Variants in SDK2 observed in about 807,000 individuals in gnomAD.
SDK2 encodes the protein sidekick cell adhesion molecule 2, also known as protein sidekick-2.
A neutral mutation model predicts 253.9 loss-of-function variants in SDK2; 105 were observed. That is an observed-to-expected ratio of 0.41 (90% CI 0.35 to 0.49). The LOEUF is 0.49. Ranked by LOEUF, SDK2 falls within the 20% of genes least tolerant of loss-of-function variation. The probability of loss-of-function intolerance (pLI) is 0.06; values close to 1 mark genes in which losing one functional copy is unlikely to be tolerated. For missense variants in SDK2, 2,608 were observed against 3,003.0 expected, an observed-to-expected ratio of 0.87 and a Z score of 3.07; for synonymous variants, 1,249 against 1,234.9, an observed-to-expected ratio of 1.01 and a Z score of -0.24.
In SDK2 at chr17:73,644,039, G is replaced by A; in HGVS notation, c.50C>T (p.Ala17Val). ...WTLLALHQIR[A>V]ARAQDDVSPY... ...TCCCTCCTTACCTTGGGCTCTGGCCGCGCGGATCTGATGCAGAGCTAGCAG... is the reference window on the plus strand; with the variant it reads ...TCCCTCCTTACCTTGGGCTCTGGCCACGCGGATCTGATGCAGAGCTAGCAG... The change falls in exon 1 of 45, where the codon GCG (alanine) becomes GTG (valine). Residue 17 changes from alanine to valine, a missense_variant. Around this residue, in one of 2 missense-constraint regions of SDK2, gnomAD observed 1,505 missense variants for 1,859.1 expected, o/e 0.81. Coordinates refer to ENST00000392650, the MANE Select transcript of SDK2 (RefSeq NM_001144952.2). The surrounding 1 kb of genome is among the most constrained non-coding windows in gnomAD (Gnocchi z 6.3). The A allele has an allele frequency of 6.8e-7, 1 of 1,480,072 alleles. No homozygotes were observed. Among genetic ancestry groups the A allele is most frequent in the Non-Finnish European group, 9.1e-7 (1 of 1,102,428 alleles). 91.7% of individuals were successfully genotyped at this position (1,480,072 alleles called of 1,614,324 possible).
intron 25 of SDK2, 60 bp from the exon 26 acceptor site, chr17:73,394,384 A>G (rs1716483247): frequency 8.5e-7 from 1 of 1,179,934 alleles, no homozygotes; most frequent in Admixed American, 2.6e-5. Context: ...TGTGCAAGGG[A>G]AGTGGACCAG....
intron 12 of SDK2, 141 bp from the exon 13 acceptor site, chr17:73,424,233 A>G: frequency 1.5e-6 from 1 of 681,540 alleles, no homozygotes; most frequent in Non-Finnish European, 2.5e-6. Flanking sequence ...GGACACTGGG[A>G]TCGGGGAGCG....
chr17:73,626,956 G>A (rs2046210214), intron 1 of SDK2, among the ~76,000 whole-genome samples: 2 of 152,190 alleles, frequency 1.3e-5, no homozygotes, highest in South Asian at 4.1e-4. Context: ...GGCCTGCGCA[G>A]GGGGCCCAAT....
At chr17:73,537,448 T>A (rs764917932) in intron 1 of SDK2, among the ~76,000 whole-genome samples, 1 of 152,140 alleles carries the variant, frequency 6.6e-6, no homozygotes, top group Non-Finnish European at 1.5e-5. Flanking sequence ...CATGCTTTTA[T>A]CTCCCAAAGT....
intron 31 of SDK2, 69 bp from the exon 32 acceptor site, chr17:73,385,986 C>T (rs2062869005): frequency 1.7e-6 from 2 of 1,172,472 alleles, no homozygotes; most frequent in African/African-American, 1.5e-5. Flanking sequence ...CCCACTGAGA[C>T]CAGATTCTGC....
In SDK2 at chr17:73,469,992, G is replaced by GCACACACACA. The variant is rs34448667; in HGVS notation, c.331+2110_331+2119dup. On this transcript the variant is annotated intron_variant, in intron 3 of 44. Transcript: ENST00000392650. ...ATGGCATTTGCGACTGCGCGCGCGC[G>GCACACACACA]CACACACACACACACACACACACAC... 3.3e-3 allele frequency among the ~76,000 whole-genome samples: 412 copies of GCACACACACA among 126,252 alleles called. 4 individuals are homozygous for GCACACACACA. The highest frequency in any genetic ancestry group is 8.8e-3 in the Middle Eastern group (2 of 226). 82.8% of individuals were successfully genotyped at this position (126,252 alleles called of 152,430 possible). A position where few individuals can be genotyped will look rare whatever the true frequency, so the allele number is the denominator to read the frequency against.
At chr17:73,404,190 C>T (rs7405603) in intron 18 of SDK2, among the ~76,000 whole-genome samples, 103,899 of 152,078 alleles carry the variant, frequency 0.68, 38,079 homozygotes, top group Non-Finnish European at 0.82. Flanking sequence ...TACAGCTTGA[C>T]GCCTGGATCC....
In SDK2 at chr17:73,465,111, C is replaced by T. The variant is rs1599591767; in HGVS notation, c.331+7001G>A. On this transcript the variant is annotated intron_variant, in intron 3 of 44. Coordinates refer to ENST00000392650, the MANE Select transcript of SDK2 (RefSeq NM_001144952.2). The surrounding 1 kb of genome is among the most constrained non-coding windows in gnomAD (Gnocchi z 4.2). ...TGTCACTTGGCCCCTAAGCATCCTGCATTCAATACCCACACCTCAGGCTGA... is the reference window on the plus strand; with the variant it reads ...TGTCACTTGGCCCCTAAGCATCCTGTATTCAATACCCACACCTCAGGCTGA... Among the ~76,000 whole-genome samples the T allele has an allele frequency of 6.6e-6, 1 of 152,306 alleles. No homozygotes were observed. The highest frequency in any genetic ancestry group is 2.4e-5 in the African/African-American group (1 of 41,574).
At chr17:73,342,768 G>A (rs2145373308) in intron 44 of SDK2, among the ~76,000 whole-genome samples, 1 of 152,300 alleles carries the variant, frequency 6.6e-6, no homozygotes, top group African/African-American at 2.4e-5. Context: ...AGCAGAGGAA[G>A]CCATCACTCA....
At chr17:73,636,680 CAAAAAAAAAAAA>C (rs561026344) in intron 1 of SDK2, among the ~76,000 whole-genome samples, 7 of 50,988 alleles carry the variant, frequency 1.4e-4, no homozygotes, top group Non-Finnish European at 2.2e-4. Flanking sequence ...GACTCTGTCT[CAAAAAAAAAAAA>C]AAAAAAAAAA....
At chr17:73,363,692 C>T (rs1463438656) in intron 38 of SDK2, among the ~76,000 whole-genome samples, 1 of 152,040 alleles carries the variant, frequency 6.6e-6, no homozygotes, top group Non-Finnish European at 1.5e-5. Flanking sequence ...TGGAGTTGAG[C>T]CACACAGTCC....
In SDK2 at chr17:73,616,020, T is replaced by C. The variant is rs1234168505; in HGVS notation, c.64+28005A>G. On this transcript the variant is annotated intron_variant, in intron 1 of 44. Coordinates refer to ENST00000392650, the MANE Select transcript of SDK2 (RefSeq NM_001144952.2). This position sits in a 1 kb window ranked among gnomAD's most constrained non-coding sequence, Gnocchi z 5.2. ...ACACACGCATGCATGTAGACACATA[T>C]GCATATACACATGAACACACATACA... is the stretch of plus-strand genomic sequence containing the variant. 1.3e-5 allele frequency among the ~76,000 whole-genome samples: 2 copies of C among 152,084 alleles called. No homozygotes were observed. Among genetic ancestry groups the C allele is most frequent in the African/African-American group, 4.8e-5 (2 of 41,406 alleles).
In SDK2 at chr17:73,602,661, T is replaced by A. The variant is rs140961551; in HGVS notation, c.64+41364A>T. 1.1e-3 allele frequency among the ~76,000 whole-genome samples: 173 copies of A among 152,130 alleles called. 2 individuals are homozygous for A. The highest frequency in any genetic ancestry group is 0.01 in the Middle Eastern group (3 of 294). ...CCACACAAGGAAATCTATGTTCGGGTCTGGGCACTGTCCTTAAGTGAGAAT... is the reference window on the plus strand; with the variant it reads ...CCACACAAGGAAATCTATGTTCGGGACTGGGCACTGTCCTTAAGTGAGAAT... On this transcript the variant is annotated intron_variant, in intron 1 of 44. Transcript: ENST00000392650.
intron 2 of SDK2, among the ~76,000 whole-genome samples, chr17:73,480,720 C>T (rs1250071450): frequency 1.3e-5 from 2 of 151,870 alleles, no homozygotes; most frequent in East Asian, 1.9e-4. Context: ...GAGAGAGACA[C>T]ACACAGAGAA....
intron 44 of SDK2, among the ~76,000 whole-genome samples, chr17:73,340,222 C>T (rs2062423089): frequency 1.3e-5 from 2 of 152,196 alleles, no homozygotes; most frequent in Admixed American, 1.3e-4. Flanking sequence ...GTGAACCATT[C>T]TAAAGTCTAT....
chr17:73,350,271 T>C lies in SDK2; in HGVS notation c.6004A>G (p.Asn2002Asp). The C allele has an allele frequency of 1.2e-6, 2 of 1,607,866 alleles. No individual in the cohort carries two copies. The highest frequency in any genetic ancestry group is 1.7e-6 in the Non-Finnish European group (2 of 1,177,170). ...AGGCCGTTCTTTCGGCAGAAAGAGT[T>C]CTTGACGGAGAGCCGCCTGTTGTTG... ...ELNNRRLSVK[N>D]SFCRKNGLYT... The change falls in exon 43 of 45, where the codon AAC becomes GAC. Residue 2002 changes from asparagine (N) to aspartate (D), a missense_variant. Asn to Asp is a conservative substitution (Grantham distance 23). Around this residue, in one of 2 missense-constraint regions of SDK2, gnomAD observed 1,103 missense variants for 1,143.9 expected, o/e 0.96. Coordinates refer to ENST00000392650, the MANE Select transcript of SDK2 (RefSeq NM_001144952.2).
At position 73,612,214 on chromosome 17, in the gene SDK2, T is replaced by C. The variant is rs564921951; in HGVS notation, c.64+31811A>G. On this transcript the variant is annotated intron_variant, in intron 1 of 44. Transcript: ENST00000392650. The surrounding 1 kb of genome is among the most constrained non-coding windows in gnomAD (Gnocchi z 4.4). Reference sequence around the variant, plus strand: ...AAGTACACCACAGTGGTGGCCCAGCTGCACCCGGGCTGCAGGCCGGCCCCC... The same window carrying C: ...AAGTACACCACAGTGGTGGCCCAGCCGCACCCGGGCTGCAGGCCGGCCCCC... Among the ~76,000 whole-genome samples, 1 of 152,320 alleles carries C rather than the reference T, an allele frequency of 6.6e-6. No individual in the cohort carries two copies. Among genetic ancestry groups the C allele is most frequent in the South Asian group, 2.1e-4 (1 of 4,826 alleles).
intron 6 of SDK2, among the ~76,000 whole-genome samples, chr17:73,438,721 T>C (rs551510755): frequency 6.6e-6 from 1 of 152,178 alleles, no homozygotes; most frequent in Admixed American, 6.5e-5. Flanking sequence ...CTTTCCACCA[T>C]CACCAACCCC....
At chr17:73,351,400 G>A (rs192360742) in intron 41 of SDK2, among the ~76,000 whole-genome samples, 9 of 152,300 alleles carry the variant, frequency 5.9e-5, no homozygotes, top group East Asian at 3.9e-4. Context: ...GTGAGCCACC[G>A]TTCCCGGCCC....
Sources: allele counts gnomAD v4.1 joint callset (sites outside exome capture counted in the v4.1 genomes callset), GRCh38; gene constraint gnomAD v4.1.1; regional missense constraint gnomAD v4.1.1; non-coding constraint Gnocchi (gnomAD v3.1); transcripts MANE v1.5; gene names NCBI Gene and HGNC (gene_info 2026-07-23, HGNC 2026-07-21).